The following ABCA10 variants were observed in gnomAD, a reference collection of about 807,000 sequenced individuals.
ABCA10 encodes the protein ATP-binding cassette sub-family A member 10.
In ABCA10, 169 loss-of-function variants were observed where a neutral mutation model predicts 187.5. That is an observed-to-expected ratio of 0.90 (90% CI 0.80 to 1.02). The LOEUF (loss-of-function observed/expected upper bound fraction) is 1.02, where lower values mean the gene tolerates loss of function less well. Ranked by LOEUF, ABCA10 falls within the 50% of genes least tolerant of loss-of-function variation. The pLI, the probability that ABCA10 is intolerant of heterozygous loss-of-function variation, is 0.00. For missense variants in ABCA10, 1,727 were observed against 1,812.4 expected, an observed-to-expected ratio of 0.95 and a Z score of 0.86; for synonymous variants, 574 against 601.8, an observed-to-expected ratio of 0.95 and a Z score of 0.68.
rs1268343944 is a variant in ABCA10 at position 69,221,846 on chromosome 17, G to A, written c.249C>T (p.Tyr83=). 3 of 1,613,198 alleles carry A rather than the reference G, an allele frequency of 1.9e-6. No individual in the cohort carries two copies. The highest frequency in any genetic ancestry group is 1.1e-5 in the South Asian group (1 of 90,842). Reference sequence around the variant, plus strand: ...GAAAAGCTACAAACCCTTTTAGCCAGTACTTTGCCAAGTAACAAAAAATTT... The same window carrying A: ...GAAAAGCTACAAACCCTTTTAGCCAATACTTTGCCAAGTAACAAAAAATTT... ...HGEIFCYLAK[Y]WLKGFVAFQA... Residue 83 remains tyrosine (Y), a synonymous_variant, in exon 5 of 39, where the codon TAC becomes TAT. Transcript: ENST00000690296.
rs2074690439 is a variant in ABCA10, at chr17:69,214,788, TG to T, written c.921del (p.Tyr307Ter). 1 of 1,509,132 alleles carries T rather than the reference TG, an allele frequency of 6.6e-7. No individual in the cohort carries two copies. The highest frequency in any genetic ancestry group is 1.5e-5 in the African/African-American group (1 of 67,922). 93.5% of individuals were successfully genotyped at this position (1,509,132 alleles called of 1,614,324 possible). A position where few individuals can be genotyped will look rare whatever the true frequency, so the allele number is the denominator to read the frequency against. On this transcript the variant is annotated frameshift_variant, in exon 9 of 39. Transcript: ENST00000690296. LOFTEE classifies it high-confidence loss of function. ...AAAATGAAAAAAGTGGCTATCATTTTGTATGAATCCCCAGAGGGATCAGGAA... is the reference window on the plus strand; with the variant it reads ...AAAATGAAAAAAGTGGCTATCATTTTTATGAATCCCCAGAGGGATCAGGAA... Reference protein sequence around the residue: ...VIFPDPSGDSYKMIATFFILA... With the variant: ...VIFPDPSGDSXKMIATFFILA...
At chr17:69,156,255 T>C (rs748154135) in intron 28 of ABCA10, among the ~76,000 whole-genome samples, 2 of 152,202 alleles carry the variant, frequency 1.3e-5, no homozygotes, top group African/African-American at 2.4e-5. Flanking sequence ...TAAAAGATCA[T>C]CCTAACTGGT....
chr17:69,225,424 C>G lies in ABCA10; in HGVS notation c.-66G>C. 1.9e-6 allele frequency: 3 copies of G among 1,555,188 alleles called. No homozygotes were observed. In the South Asian group the frequency reaches 3.4e-5, roughly 18 times the overall value. On this transcript the variant is annotated 5_prime_UTR_variant, in exon 3 of 39. Transcript: ENST00000690296. ...ACCAGGCCAGAGTCATTAAACTGAT[C>G]CACGCTTCCCAGGACTTTAGGAGGT...
chr17:69,150,171 G>A (rs2074117775), intron 36 of ABCA10, 108 bp from the exon 37 acceptor site: 2 of 748,098 alleles, frequency 2.7e-6, no homozygotes, highest in Non-Finnish European at 4.3e-6. Flanking sequence ...TTAAATAAGT[G>A]TCTGATTTGA....
intron 27 of ABCA10, among the ~76,000 whole-genome samples, chr17:69,157,589 G>T (rs1437990461): frequency 6.6e-6 from 1 of 152,150 alleles, no homozygotes; most frequent in Non-Finnish European, 1.5e-5. Flanking sequence ...CTAGGACATG[G>T]TTTAACATGG....
intron 18 of ABCA10, 80 bp from the exon 19 acceptor site, chr17:69,187,959 C>T (rs2074434742): frequency 7.8e-7 from 1 of 1,281,900 alleles, no homozygotes; most frequent in South Asian, 1.4e-5. Flanking sequence ...TGATGTTAGA[C>T]TATTTGAAAC....
In ABCA10 at chr17:69,152,473, A is replaced by G; in HGVS notation, c.4145T>C (p.Leu1382Pro). The change falls in exon 35 of 39, where the codon CTT becomes CCT. Residue 1382 changes from leucine (L) to proline (P), a missense_variant. Physicochemically the swap from Leu to Pro is moderately conservative, Grantham distance 98. Coordinates refer to ENST00000690296, the MANE Select transcript of ABCA10 (RefSeq NM_001377321.1). ...CTCCTTGTTTTTAACGGTAGCCTGAAGTATCTGCCTAAAGATAAAGTAAGG... is the reference window on the plus strand; with the variant it reads ...CTCCTTGTTTTTAACGGTAGCCTGAGGTATCTGCCTAAAGATAAAGTAAGG... Reference protein sequence around the residue: ...PEGQQQMWQILQATVKNKERG... With the variant: ...PEGQQQMWQIPQATVKNKERG... 3 of 1,612,214 alleles carry G rather than the reference A, an allele frequency of 1.9e-6. No individual in the cohort carries two copies. Among genetic ancestry groups the G allele is most frequent in the Non-Finnish European group, 1.7e-6 (2 of 1,179,346 alleles).
chr17:69,177,955 CAAA>C (rs11320201), intron 22 of ABCA10, among the ~76,000 whole-genome samples: 3,110 of 64,696 alleles, frequency 0.048, 200 homozygotes, highest in African/African-American at 0.14. Context: ...GACTCCATTT[CAAA>C]AAAAAAAAAA....
At chr17:69,241,711 C>T (rs1372706163) in intron 1 of ABCA10, among the ~76,000 whole-genome samples, 5 of 152,172 alleles carry the variant, frequency 3.3e-5, no homozygotes, top group Admixed American at 1.3e-4. Flanking sequence ...TCCTTATCTC[C>T]CTCCCCATCA....
chr17:69,241,754 A>T (rs1473366891), intron 1 of ABCA10, among the ~76,000 whole-genome samples: 2 of 152,162 alleles, frequency 1.3e-5, no homozygotes, highest in African/African-American at 4.8e-5. Context: ...TAAAGTAGGT[A>T]ATTTGTCTTA....
chr17:69,181,777 T>C (rs1424798382), intron 22 of ABCA10, among the ~76,000 whole-genome samples: 3 of 151,948 alleles, frequency 2.0e-5, no homozygotes, highest in African/African-American at 7.2e-5. Context: ...GTAAGCTCCA[T>C]ATGGGTGAGA....
Position 69,148,808 on chromosome 17 carries a change from T to A in ABCA10, c.*19A>T, listed in dbSNP as rs759339148. On this transcript the variant is annotated 3_prime_UTR_variant, in exon 39 of 39. Transcript: ENST00000690296. ...CAATGTAGTAGGACCTAAAATTGAA[T>A]GTTAGGAGGTTCTTCATTTTAAGGG... The A allele has an allele frequency of 6.1e-5, 97 of 1,588,050 alleles. No homozygotes were observed. Among genetic ancestry groups the A allele is most frequent in the Non-Finnish European group, 8.1e-5 (94 of 1,159,388 alleles).
In ABCA10 at chr17:69,165,056, C is replaced by A. The variant is rs775447163; in HGVS notation, c.3190G>T (p.Val1064Leu). 4 of 1,583,648 alleles carry A rather than the reference C, an allele frequency of 2.5e-6. No homozygotes were observed. The South Asian group carries it at 3.3e-5, about 13-fold the overall frequency. The change falls in exon 26 of 39, where the codon GTA (valine) becomes TTA (leucine). Residue 1064 changes from valine to leucine, a missense_variant. Transcript: ENST00000690296. ...IILICVSTIM[V>L]STQYEKLNLI... ...TTGAGTTTTTCATATTGAGTTGATA[C>A]CATAATTGTGGATACACATATTAAG...
At chr17:69,210,435 C>T (rs1303461093) in intron 9 of ABCA10, among the ~76,000 whole-genome samples, 2 of 150,784 alleles carry the variant, frequency 1.3e-5, no homozygotes, top group African/African-American at 4.9e-5. Context: ...ATGATCCACT[C>T]GCCTCGGCCT....
At position 69,182,783 on chromosome 17, in the gene ABCA10, A is replaced by ATAGT. The variant is rs2074390461; in HGVS notation, c.2522_2523insACTA (p.His841GlnfsTer15). 6.2e-7 allele frequency: 1 copy of ATAGT among 1,609,470 alleles called. No homozygotes were observed. Among genetic ancestry groups the ATAGT allele is most frequent in the Non-Finnish European group, 8.5e-7 (1 of 1,177,776 alleles). ...AAACTATATCCTGACACTTCAGTGA[A>ATAGT]TGCACGAGGTCTTCAATATTTGATC... On this transcript the variant is annotated frameshift_variant, in exon 21 of 39. Transcript: ENST00000690296. LOFTEE classifies it high-confidence loss of function.
rs1480058865 is a variant in ABCA10, at chr17:69,213,742, A to G, written c.1006+962T>C. Among the ~76,000 whole-genome samples the G allele has an allele frequency of 3.3e-5, 5 of 152,108 alleles. No individual in the cohort carries two copies. The East Asian group carries it at 7.7e-4, about 24-fold the overall frequency. On this transcript the variant is annotated intron_variant, in intron 9 of 38. Coordinates refer to ENST00000690296, the MANE Select transcript of ABCA10 (RefSeq NM_001377321.1). The stretch of plus-strand genomic sequence containing the variant: ...CTGTTGCTTCTGCGCTAGTACCTAC[A>G]TTTCCTGTTCAACCCCCTAACCAAC...
At chr17:69,172,925 C>CA (rs1416281248) in intron 25 of ABCA10, among the ~76,000 whole-genome samples, 1 of 152,012 alleles carries the variant, frequency 6.6e-6, no homozygotes, top group African/African-American at 2.4e-5. Context: ...ATTTATCAAG[C>CA]AAATACTGAA....
chr17:69,190,073 TA>T (rs2074448712), intron 18 of ABCA10, among the ~76,000 whole-genome samples: 2 of 152,120 alleles, frequency 1.3e-5, no homozygotes, highest in Admixed American at 1.3e-4. Context: ...CTTTTGATAA[TA>T]AGGAAGAAGT....
chr17:69,239,526 G>A (rs1171772275), intron 1 of ABCA10, among the ~76,000 whole-genome samples: 3 of 152,084 alleles, frequency 2.0e-5, no homozygotes, highest in East Asian at 1.9e-4. Flanking sequence ...AGGGACCTGC[G>A]ATCACCCTAC....
Sources: allele counts gnomAD v4.1 joint callset (sites outside exome capture counted in the v4.1 genomes callset), GRCh38; gene constraint gnomAD v4.1.1; transcripts MANE v1.5; gene names NCBI Gene and HGNC (gene_info 2026-07-23, HGNC 2026-07-21).